The following PPP2R2B variants were observed in gnomAD, a reference collection of about 807,000 sequenced individuals.
The protein encoded by PPP2R2B is serine/threonine-protein phosphatase 2A 55 kDa regulatory subunit B beta isoform.
In PPP2R2B, 5 loss-of-function variants were observed where a neutral mutation model predicts 46.0. The observed-to-expected ratio is 0.11, with a 90% CI of 0.06 to 0.23. The LOEUF (loss-of-function observed/expected upper bound fraction) is 0.23. PPP2R2B is among the 10% of genes least tolerant of loss of function. PPP2R2B has a pLI of 1.00. For synonymous variants in PPP2R2B, 215 were observed against 206.7 expected, an observed-to-expected ratio of 1.04 and a Z score of -0.34; for missense variants, 367 against 575.0, an observed-to-expected ratio of 0.64 and a Z score of 3.70.
intron 2 of PPP2R2B, among the ~76,000 whole-genome samples, chr5:146,745,027 A>G (rs1213292815): frequency 6.6e-6 from 1 of 152,154 alleles, no homozygotes; most frequent in Non-Finnish European, 1.5e-5. Flanking sequence ...CAATGGGAAA[A>G]TAGATAATTG....
intron 2 of PPP2R2B, among the ~76,000 whole-genome samples, chr5:146,843,224 T>C (rs547054984): frequency 6.6e-6 from 1 of 152,352 alleles, no homozygotes; most frequent in South Asian, 2.1e-4. Flanking sequence ...CCAGAATCAG[T>C]GAATAATGAT....
At chr5:146,978,903 A>C (rs1278710384) in intron 1 of PPP2R2B, among the ~76,000 whole-genome samples, 2 of 152,174 alleles carry the variant, frequency 1.3e-5, no homozygotes, top group Non-Finnish European at 1.5e-5. Context: ...ATCTTGCATT[A>C]ACTTCATCCC....
intron 1 of PPP2R2B, among the ~76,000 whole-genome samples, chr5:146,980,313 A>C (rs1027211049): frequency 6.6e-6 from 1 of 152,242 alleles, no homozygotes; most frequent in Non-Finnish European, 1.5e-5. Flanking sequence ...AAGTTTTCTG[A>C]GCACAATGAA....
intron 2 of PPP2R2B, among the ~76,000 whole-genome samples, chr5:146,713,081 G>C (rs1780297877): frequency 6.6e-6 from 1 of 152,224 alleles, no homozygotes; most frequent in Non-Finnish European, 1.5e-5. Flanking sequence ...AAATAGAGCT[G>C]AGTAAGATGA....
chr5:147,074,712 ATAGT>A (rs1757708653), intron 2 of PPP2R2B, among the ~76,000 whole-genome samples: 1 of 152,322 alleles, frequency 6.6e-6, no homozygotes, highest in Non-Finnish European at 1.5e-5. Flanking sequence ...TGCAAATGTT[ATAGT>A]TAGAGGATTC....
chr5:146,798,500 C>A (rs1467674385), intron 2 of PPP2R2B, among the ~76,000 whole-genome samples: 2 of 152,202 alleles, frequency 1.3e-5, no homozygotes, highest in Non-Finnish European at 2.9e-5. Flanking sequence ...CACCAGCATA[C>A]TGAGCCTAGA....
intron 7 of PPP2R2B, among the ~76,000 whole-genome samples, chr5:146,632,778 T>TG (rs1194493684): frequency 6.6e-6 from 1 of 151,924 alleles, no homozygotes; most frequent in Non-Finnish European, 1.5e-5. Context: ...GTAGAGTGTG[T>TG]GGGGGGCAGG....
chr5:146,798,607 CCT>C (rs1756681212), intron 2 of PPP2R2B, among the ~76,000 whole-genome samples: 1 of 152,144 alleles, frequency 6.6e-6, no homozygotes, highest in African/African-American at 2.4e-5. Context: ...AAAATCAACA[CCT>C]AACATAATCT....
At chr5:146,863,350 G>A (rs1761118773) in intron 2 of PPP2R2B, among the ~76,000 whole-genome samples, 1 of 152,102 alleles carries the variant, frequency 6.6e-6, no homozygotes, top group East Asian at 1.9e-4. Context: ...GGGTTCTAGG[G>A]AAGCTCTTCT....
intron 2 of PPP2R2B, among the ~76,000 whole-genome samples, chr5:146,764,814 AG>A (rs1663631225): frequency 6.6e-6 from 1 of 151,654 alleles, no homozygotes. Context: ...AGAGAGAGAG[AG>A]AGAGAGAGAG....
Position 146,581,417 on chromosome 5 carries a change from C to T in PPP2R2B, c.*8530G>A, listed in dbSNP as rs535621822. 1.3e-5 allele frequency: 2 copies of T among 152,146 alleles called. No individual in the cohort carries two copies. The highest frequency in any genetic ancestry group is 2.4e-5 in the African/African-American group (1 of 41,424). 9.4% of individuals were successfully genotyped at this position (152,146 alleles called of 1,614,324 possible). A position where few individuals can be genotyped will look rare whatever the true frequency, so the allele number is the denominator to read the frequency against. On this transcript the variant is annotated 3_prime_UTR_variant, in exon 10 of 10. Coordinates refer to ENST00000394411, the MANE Select transcript of PPP2R2B (RefSeq NM_181675.4). The stretch of plus-strand genomic sequence containing the variant: ...TGGTGCTAAACCATGCATGAGAAAT[C>T]CACCTCCACGATCCAATCACCTCCC...
intron 2 of PPP2R2B, among the ~76,000 whole-genome samples, chr5:146,798,456 G>A (rs1756672760): frequency 6.6e-6 from 1 of 152,146 alleles, no homozygotes; most frequent in Admixed American, 6.5e-5. Context: ...ATAGGCATAT[G>A]CAGAAGATAA....
chr5:147,022,748 A>G lies in PPP2R2B; in HGVS notation c.79+32917T>C, dbSNP rs139532621. Among the ~76,000 whole-genome samples the G allele has an allele frequency of 6.5e-3, 996 of 152,250 alleles. 10 individuals are homozygous for G. The highest frequency in any genetic ancestry group is 0.023 in the African/African-American group (952 of 41,568). On this transcript the variant is annotated intron_variant, in intron 1 of 8. Coordinates refer to the PPP2R2B transcript ENST00000336640. The stretch of plus-strand genomic sequence containing the variant: ...CCATTACATACAGGAATACACATTA[A>G]GAATTACCATTGACGTCGCATCATA...
intron 2 of PPP2R2B, chr5:146,707,555 C>A: frequency 1.4e-6 from 1 of 717,346 alleles, no homozygotes; most frequent in Non-Finnish European, 2.6e-6. Context: ...GGCCCGGGTG[C>A]CAGAGGTGGA....
chr5:146,668,903 T>C (rs920849993), intron 5 of PPP2R2B, among the ~76,000 whole-genome samples: 1 of 152,200 alleles, frequency 6.6e-6, no homozygotes, highest in Admixed American at 6.5e-5. Flanking sequence ...GTTATTGCCT[T>C]TGAGGACTGT....
upstream of PPP2R2B, among the ~76,000 whole-genome samples, chr5:147,060,679 C>T (rs577804608): frequency 9.9e-5 from 15 of 152,126 alleles, no homozygotes; most frequent in Admixed American, 5.9e-4. Flanking sequence ...AAAATGAAAA[C>T]CTACTCCTCT....
chr5:146,795,490 C>T (rs1756474412), intron 2 of PPP2R2B, among the ~76,000 whole-genome samples: 1 of 152,052 alleles, frequency 6.6e-6, no homozygotes, highest in African/African-American at 2.4e-5. Flanking sequence ...AAGTTGAACT[C>T]ATAGAAACAG....
At chr5:146,821,777 CAA>C (rs34886911) in intron 2 of PPP2R2B, among the ~76,000 whole-genome samples, 3,983 of 135,434 alleles carry the variant, frequency 0.029, 49 homozygotes, top group Middle Eastern at 0.049. Flanking sequence ...AGTACTCTGC[CAA>C]AAAAAAAAAA....
chr5:146,655,399 A>T (rs977249160), intron 5 of PPP2R2B, among the ~76,000 whole-genome samples: 3 of 151,494 alleles, frequency 2.0e-5, no homozygotes, highest in Admixed American at 6.6e-5. Flanking sequence ...CTCAAATGTC[A>T]CCCCCTCAGG....
Sources: allele counts gnomAD v4.1 joint callset (sites outside exome capture counted in the v4.1 genomes callset), GRCh38; gene constraint gnomAD v4.1.1; transcripts MANE v1.5; gene names NCBI Gene and HGNC (gene_info 2026-07-23, HGNC 2026-07-21).